The following SH3PXD2A variants were observed in gnomAD, a reference collection of about 807,000 sequenced individuals.
SH3PXD2A encodes SH3 and PX domain-containing protein 2A.
Under a neutral mutation model 115.2 loss-of-function variants are expected in SH3PXD2A, and 32 were observed. The observed-to-expected ratio is 0.28, with a 90% CI of 0.21 to 0.37. The LOEUF (loss-of-function observed/expected upper bound fraction) is 0.37. Among genes scored for constraint, SH3PXD2A ranks in the 10% least tolerant of loss-of-function variants. The pLI is 1.00. For missense variants in SH3PXD2A, 1,328 were observed against 1,498.7 expected, an observed-to-expected ratio of 0.89 and a Z score of 1.88; for synonymous variants, 610 against 629.1, an observed-to-expected ratio of 0.97 and a Z score of 0.45.
intron 1 of SH3PXD2A, among the ~76,000 whole-genome samples, chr10:103,806,920 C>G (rs1468050271): frequency 6.6e-6 from 1 of 152,220 alleles, no homozygotes; most frequent in African/African-American, 2.4e-5. Context: ...TGCGTGGGAA[C>G]TCTCGCTACA....
chr10:103,855,260 C>T lies in SH3PXD2A; in HGVS notation c.7G>A (p.Ala3Thr), dbSNP rs1313364610. Reference sequence around the variant, plus strand: ...ACGGTGGCATCCTGCACGCAGTAGGCGAGCATCTTCCCCCACAAAGCGAGT... The same window carrying T: ...ACGGTGGCATCCTGCACGCAGTAGGTGAGCATCTTCCCCCACAAAGCGAGT... ML[A>T]YCVQDATVVD... The change falls in exon 1 of 15, where the codon GCC becomes ACC. Residue 3 changes from alanine (A) to threonine (T), a missense_variant. Ala to Thr is a moderately conservative substitution (Grantham distance 58). This residue lies in a region of SH3PXD2A where 110 missense variants were observed against 160.0 expected (regional missense o/e 0.69). Transcript: ENST00000369774. The T allele has an allele frequency of 2.0e-6, 3 of 1,519,164 alleles. No homozygotes were observed. Among genetic ancestry groups the T allele is most frequent in the Non-Finnish European group, 2.7e-6 (3 of 1,131,276 alleles). The allele number at this position is 1,519,164 out of a possible 1,614,324, so 94.1% of individuals were successfully genotyped here.
chr10:103,818,868 C>T (rs1438093802), intron 1 of SH3PXD2A, among the ~76,000 whole-genome samples: 3 of 152,180 alleles, frequency 2.0e-5, no homozygotes, highest in Admixed American at 1.3e-4. Context: ...TTCTCTGAAA[C>T]CTTTACAAGG....
intron 8 of SH3PXD2A, among the ~76,000 whole-genome samples, chr10:103,650,024 G>A (rs889490986): frequency 3.9e-5 from 6 of 152,248 alleles, no homozygotes; most frequent in Non-Finnish European, 7.3e-5. Context: ...TCCAGTTGGG[G>A]CACGTGAAGC....
At position 103,703,854 on chromosome 10, in the gene SH3PXD2A, C is replaced by T. The variant is rs544487134; in HGVS notation, c.399-10798G>A. ...GAAGGTTTGCTTGGCTCCCATGGTG[C>T]GTGTGTGCATGTGTGTGTATGTGTC... On this transcript the variant is annotated intron_variant, in intron 5 of 14. Transcript: ENST00000369774. Among the ~76,000 whole-genome samples the T allele has an allele frequency of 3.9e-5, 6 of 152,182 alleles. 1 individual carries two copies. Among genetic ancestry groups the T allele is most frequent in the South Asian group, 4.2e-4 (2 of 4,816 alleles).
chr10:103,733,116 T>TG (rs1297968061), intron 4 of SH3PXD2A, among the ~76,000 whole-genome samples: 1 of 152,072 alleles, frequency 6.6e-6, no homozygotes, highest in Non-Finnish European at 1.5e-5. Context: ...GCTGTCTGCT[T>TG]GGTGAGCCCA....
intron 6 of SH3PXD2A, among the ~76,000 whole-genome samples, chr10:103,678,969 T>G (rs1424992753): frequency 6.6e-6 from 1 of 152,170 alleles, no homozygotes; most frequent in Non-Finnish European, 1.5e-5. Flanking sequence ...CAGTAGGTGC[T>G]CCAGGGCTAT....
chr10:103,726,950 A>G (rs957928318), intron 4 of SH3PXD2A, among the ~76,000 whole-genome samples: 11 of 152,168 alleles, frequency 7.2e-5, no homozygotes, highest in Admixed American at 6.5e-4. Flanking sequence ...ATCTCCATCA[A>G]CAGGCAAAAA....
At chr10:103,760,435 T>G (rs1304510457) in intron 3 of SH3PXD2A, among the ~76,000 whole-genome samples, 1 of 152,010 alleles carries the variant, frequency 6.6e-6, no homozygotes, top group Non-Finnish European at 1.5e-5. Flanking sequence ...CCAGGCATGG[T>G]GGCACGCAAC....
intron 6 of SH3PXD2A, among the ~76,000 whole-genome samples, chr10:103,670,087 T>C (rs1270504129): frequency 6.6e-6 from 1 of 152,102 alleles, no homozygotes. Context: ...CTGCTCTCTA[T>C]TTAAAGCACC....
At chr10:103,626,825 T>G (rs771517367) in intron 9 of SH3PXD2A, among the ~76,000 whole-genome samples, 1 of 151,838 alleles carries the variant, frequency 6.6e-6, no homozygotes, top group Non-Finnish European at 1.5e-5. Context: ...ACAAACCTCA[T>G]GAAGCCAAAG....
At chr10:103,755,257 A>G (rs867353052) in intron 3 of SH3PXD2A, 41 of 152,154 alleles carry the variant, frequency 2.7e-4, no homozygotes, top group African/African-American at 9.7e-4. Context: ...AAAATTACCA[A>G]ATCACAATCG....
intron 5 of SH3PXD2A, among the ~76,000 whole-genome samples, chr10:103,701,949 T>C (rs1364200714): frequency 2.7e-5 from 4 of 145,584 alleles, no homozygotes; most frequent in African/African-American, 1.0e-4. Context: ...CATCCAGCCA[T>C]CCATCATCTA....
chr10:103,602,528 T>A lies in SH3PXD2A; in HGVS notation c.2690A>T (p.Asp897Val). 1 of 1,614,128 alleles carries A rather than the reference T, an allele frequency of 6.2e-7. No individual in the cohort carries two copies. The highest frequency in any genetic ancestry group is 8.5e-7 in the Non-Finnish European group (1 of 1,180,012). ...GWAPSHYLVL[D>V]ENEQPDPSGK... is the part of the protein sequence containing the mutation. The stretch of plus-strand genomic sequence containing the variant: ...AGAGGGGTCAGGTTGCTCGTTCTCA[T>A]CCAGCACCAAATAGTGGGAAGGGGC... The change falls in exon 15 of 15, where the codon GAT becomes GTT. Residue 897 changes from aspartate to valine, a missense_variant. Physicochemically the swap from Asp to Val is radical, Grantham distance 152. Around this residue, in one of 5 missense-constraint regions of SH3PXD2A, gnomAD observed 574 missense variants for 565.7 expected, o/e 1.01. Transcript: ENST00000369774.
At chr10:103,625,431 A>G (rs1234590038) in intron 9 of SH3PXD2A, among the ~76,000 whole-genome samples, 1 of 152,232 alleles carries the variant, frequency 6.6e-6, no homozygotes, top group African/African-American at 2.4e-5. Flanking sequence ...TAGGGTCCAA[A>G]CCTGATAAAC....
intron 7 of SH3PXD2A, among the ~76,000 whole-genome samples, chr10:103,662,341 C>CCGG (rs1272076460): frequency 9.4e-5 from 1 of 10,628 alleles, no homozygotes; most frequent in Non-Finnish European, 1.9e-4. Context: ...CCATTATTGG[C>CCGG]GGGGGGGGGG....
intron 1 of SH3PXD2A, among the ~76,000 whole-genome samples, chr10:103,826,489 T>A (rs1318093114): frequency 6.6e-6 from 1 of 152,144 alleles, no homozygotes; most frequent in East Asian, 1.9e-4. Flanking sequence ...CAGAACTCCA[T>A]CCCAGGCCTC....
At chr10:103,673,468 T>A (rs1313032147) in intron 6 of SH3PXD2A, 2 of 152,034 alleles carry the variant, frequency 1.3e-5, no homozygotes, top group African/African-American at 4.8e-5. Context: ...GAGGCTGAAG[T>A]GGGAGGATTG....
chr10:103,767,204 G>A, intron 2 of SH3PXD2A, 35 bp from the exon 3 acceptor site: 3 of 1,528,848 alleles, frequency 2.0e-6, no homozygotes, highest in Non-Finnish European at 2.7e-6. Context: ...ACAGGATTCA[G>A]AAGACCAGAA....
intron 8 of SH3PXD2A, among the ~76,000 whole-genome samples, chr10:103,629,287 C>T (rs536880100): frequency 3.9e-5 from 6 of 152,348 alleles, no homozygotes; most frequent in Admixed American, 3.9e-4. Context: ...CTGGAACCCA[C>T]TAGTTGGGGA....
Sources: allele counts gnomAD v4.1 joint callset (sites outside exome capture counted in the v4.1 genomes callset), GRCh38; gene constraint gnomAD v4.1.1; regional missense constraint gnomAD v4.1.1; transcripts MANE v1.5; gene names NCBI Gene and HGNC (gene_info 2026-07-23, HGNC 2026-07-21).